GPC5: variants seen among roughly 807,000 people sequenced by gnomAD.
GPC5 encodes the protein glypican 5, also known as glypican-5.
In GPC5, 47 loss-of-function variants were observed where a neutral mutation model predicts 53.9. The ratio of observed to expected loss-of-function variants is 0.87; its 90% CI spans 0.69 to 1.11. GPC5 has a LOEUF of 1.11. Among genes scored for constraint, GPC5 ranks in the 50% most tolerant of loss-of-function variants. The pLI is 0.00. For missense variants in GPC5, 748 were observed against 713.1 expected (o/e 1.05, Z -0.56); for synonymous variants, 286 against 263.3 (o/e 1.09, Z -0.84).
intron 6 of GPC5, among the ~76,000 whole-genome samples, chr13:92,101,725 A>G (rs2041468955): frequency 6.6e-6 from 1 of 152,192 alleles, no homozygotes; most frequent in Non-Finnish European, 1.5e-5. Flanking sequence ...CTCCTAGGGG[A>G]TAAAGTGACC....
chr13:92,060,651 A>T (rs1394565924), intron 6 of GPC5, among the ~76,000 whole-genome samples: 2 of 152,098 alleles, frequency 1.3e-5, no homozygotes, highest in Non-Finnish European at 2.9e-5. Flanking sequence ...TGAAATAGCT[A>T]TCCAGGATAG....
chr13:92,603,910 G>C (rs1278236527), intron 7 of GPC5, among the ~76,000 whole-genome samples: 1 of 152,114 alleles, frequency 6.6e-6, no homozygotes, highest in African/African-American at 2.4e-5. Context: ...TGGGGACCAG[G>C]TCTGGAAGTT....
intron 7 of GPC5, among the ~76,000 whole-genome samples, chr13:92,170,232 T>A (rs867817945): frequency 6.6e-6 from 1 of 151,852 alleles, no homozygotes; most frequent in South Asian, 2.1e-4. Context: ...TAATTTTGTA[T>A]AGAAAGTCTT....
At chr13:92,234,831 C>T (rs2042558779) in intron 7 of GPC5, among the ~76,000 whole-genome samples, 1 of 152,104 alleles carries the variant, frequency 6.6e-6, no homozygotes. Flanking sequence ...TATCCACTGT[C>T]TCTCAAATAC....
At chr13:92,507,260 A>C (rs746365641) in intron 7 of GPC5, among the ~76,000 whole-genome samples, 14 of 152,116 alleles carry the variant, frequency 9.2e-5, no homozygotes, top group Admixed American at 2.0e-4. Flanking sequence ...AATCTTACCC[A>C]CTTACAGCAT....
chr13:92,818,909 A>T (rs766834180), intron 7 of GPC5, among the ~76,000 whole-genome samples: 1 of 152,012 alleles, frequency 6.6e-6, no homozygotes, highest in Non-Finnish European at 1.5e-5. Flanking sequence ...CAGTTCACAT[A>T]GTGAAAGAGA....
At chr13:91,504,661 T>C (rs828804) in intron 2 of GPC5, among the ~76,000 whole-genome samples, 152,267 of 152,276 alleles carry the variant, frequency 1, 76,129 homozygotes, top group Middle Eastern at 1. Flanking sequence ...CACCGTGTGG[T>C]GTGAAAGAAA....
chr13:91,637,514 A>T (rs1831023), intron 2 of GPC5, among the ~76,000 whole-genome samples: 28,575 of 152,138 alleles, frequency 0.19, 2,835 homozygotes, highest in African/African-American at 0.25. Flanking sequence ...GAAAGGAAGT[A>T]GGTACCAAAT....
At chr13:91,949,067 T>C (rs1192244737) in intron 6 of GPC5, among the ~76,000 whole-genome samples, 1 of 152,184 alleles carries the variant, frequency 6.6e-6, no homozygotes, top group African/African-American at 2.4e-5. Context: ...TTGATACTCA[T>C]ACATAACTCA....
chr13:92,420,567 T>C (rs1876512851), intron 7 of GPC5, among the ~76,000 whole-genome samples: 1 of 152,218 alleles, frequency 6.6e-6, no homozygotes, highest in African/African-American at 2.4e-5. Context: ...TGTTGTGCTA[T>C]CAAATACTAG....
At chr13:91,750,521 ATCTT>A (rs1489479998) in intron 4 of GPC5, among the ~76,000 whole-genome samples, 1 of 152,200 alleles carries the variant, frequency 6.6e-6, no homozygotes, top group African/African-American at 2.4e-5. Context: ...TAAATTTAGA[ATCTT>A]TCTAAGAATA....
At chr13:92,299,327 G>C (rs2043059684) in intron 7 of GPC5, among the ~76,000 whole-genome samples, 1 of 152,136 alleles carries the variant, frequency 6.6e-6, no homozygotes, top group Non-Finnish European at 1.5e-5. Flanking sequence ...AAAGTCTCTT[G>C]ACGGCAGCTG....
chr13:92,229,162 G>T (rs1357142682), intron 7 of GPC5, among the ~76,000 whole-genome samples: 1 of 152,048 alleles, frequency 6.6e-6, no homozygotes, highest in South Asian at 2.1e-4. Context: ...GAAAGGGGAA[G>T]TGTTAAAGAT....
chr13:91,631,381 T>C (rs147654350), intron 2 of GPC5, among the ~76,000 whole-genome samples: 160 of 152,242 alleles, frequency 1.1e-3, no homozygotes, highest in African/African-American at 3.7e-3. Context: ...GAATATGTCT[T>C]TAAAAATCAC....
At chr13:92,234,229 A>G (rs947551899) in intron 7 of GPC5, among the ~76,000 whole-genome samples, 3 of 152,176 alleles carry the variant, frequency 2.0e-5, no homozygotes, top group Non-Finnish European at 4.4e-5. Flanking sequence ...CTGAGGAATC[A>G]GCACACTGAC....
rs560297505 is a variant in GPC5 at position 91,408,498 on chromosome 13, T to A, written c.163+9289T>A. Among the ~76,000 whole-genome samples, 65 of 152,256 alleles carry A rather than the reference T, an allele frequency of 4.3e-4. 1 individual carries two copies. The highest frequency in any genetic ancestry group is 1.5e-3 in the African/African-American group (62 of 41,546). ...TCTAGTCTTTAAGACCTCTTTTCAA[T>A]GGTAGCATAGAAAATTATAATTTTC... On this transcript the variant is annotated intron_variant, in intron 1 of 7. Transcript: ENST00000377067.
At position 92,817,181 on chromosome 13, in the gene GPC5, C is replaced by T. The variant is rs377592181; in HGVS notation, c.1562-49101C>T. Among the ~76,000 whole-genome samples the T allele has an allele frequency of 9.2e-5, 14 of 152,064 alleles. No individual in the cohort carries two copies. The East Asian group carries it at 1.7e-3, about 19-fold the overall frequency. On this transcript the variant is annotated intron_variant, in intron 7 of 7. Transcript: ENST00000377067. ...TTAATTATTCAGACCCATTCTCCTC[C>T]GCCTACCACTTCCCACACATACACA...
In GPC5 at chr13:92,664,488, G is replaced by A. The variant is rs956530515; in HGVS notation, c.1562-201794G>A. 2.6e-5 allele frequency among the ~76,000 whole-genome samples: 4 copies of A among 151,108 alleles called. No individual in the cohort carries two copies. In the Admixed American group the frequency reaches 2.6e-4, roughly 10 times the overall value. ...TTGACAATACATTATTCTTTTATTT[G>A]AAAGTGGAGTAGGGTAAAAATGAAA... On this transcript the variant is annotated intron_variant, in intron 7 of 7. Transcript: ENST00000377067.
At chr13:92,027,815 T>C (rs2138801141) in intron 6 of GPC5, among the ~76,000 whole-genome samples, 1 of 152,270 alleles carries the variant, frequency 6.6e-6, no homozygotes, top group Middle Eastern at 3.4e-3. Context: ...AAGGAGTAGG[T>C]GGCAGATCCA....
Sources: gnomAD v4.1 joint callset for allele counts (sites outside exome capture counted in the v4.1 genomes callset) on GRCh38, gnomAD v4.1.1 for gene constraint, MANE v1.5 for transcripts, NCBI Gene and HGNC (gene_info 2026-07-23, HGNC 2026-07-21) for gene names.